KIRREL3: variants seen among roughly 807,000 people sequenced by gnomAD.
KIRREL3 encodes kirre like nephrin family adhesion molecule 3, also known as kin of IRRE-like protein 3.
A neutral mutation model predicts 89.7 loss-of-function variants in KIRREL3; 36 were observed. That is an observed-to-expected ratio of 0.40 (90% CI 0.31 to 0.53). The LOEUF (loss-of-function observed/expected upper bound fraction) is 0.53. KIRREL3 is among the 20% of genes least tolerant of loss of function. KIRREL3 has a pLI of 0.49. For synonymous variants in KIRREL3, 445 were observed against 441.4 expected, an observed-to-expected ratio of 1.01 and a Z score of -0.10; for missense variants, 864 against 1,056.6, an observed-to-expected ratio of 0.82 and a Z score of 2.53.
At chr11:126,793,302 T>C (rs1950704321) in intron 1 of KIRREL3, among the ~76,000 whole-genome samples, 1 of 152,002 alleles carries the variant, frequency 6.6e-6, no homozygotes, top group African/African-American at 2.4e-5. Flanking sequence ...TTATTTTAGT[T>C]TTGCTAATGC....
In KIRREL3 at chr11:126,740,010, A is replaced by T. The variant is rs1489699464; in HGVS notation, c.56-177098T>A. On this transcript the variant is annotated intron_variant, in intron 1 of 16. Transcript: ENST00000525144. The surrounding 1 kb of genome is among the most constrained non-coding windows in gnomAD (Gnocchi z 6.0). ...AATTTGTCATGACTCACTGGAGGGT[A>T]GGGTGTATGGAGGGAGGGGGCAGAG... Among the ~76,000 whole-genome samples, 1 of 152,166 alleles carries T rather than the reference A, an allele frequency of 6.6e-6. No homozygotes were observed. Among genetic ancestry groups the T allele is most frequent in the Admixed American group, 6.5e-5 (1 of 15,274 alleles).
chr11:126,726,699 G>A (rs1020534585), intron 1 of KIRREL3, among the ~76,000 whole-genome samples: 1 of 152,148 alleles, frequency 6.6e-6, no homozygotes, highest in African/African-American at 2.4e-5. Flanking sequence ...TTTATGAGAG[G>A]ATCCAGTCTA....
At chr11:126,921,963 A>ATC (rs758331394) in intron 1 of KIRREL3, among the ~76,000 whole-genome samples, 2 of 139,896 alleles carry the variant, frequency 1.4e-5, no homozygotes, top group African/African-American at 5.5e-5. Context: ...CTGTATATCT[A>ATC]TATCTATCTA....
In KIRREL3 at chr11:126,614,588, G is replaced by A. The variant is rs1311238147; in HGVS notation, c.56-51676C>T. 6.6e-6 allele frequency among the ~76,000 whole-genome samples: 1 copy of A among 152,196 alleles called. No individual in the cohort carries two copies. Among genetic ancestry groups the A allele is most frequent in the African/African-American group, 2.4e-5 (1 of 41,438 alleles). ...ACTGCCCAGGTGGTTCTATCATCAA[G>A]CCAGAGATGAGGACCCCTGGTGCAG... On this transcript the variant is annotated intron_variant, in intron 1 of 16. Transcript: ENST00000525144. The surrounding 1 kb of genome is among the most constrained non-coding windows in gnomAD (Gnocchi z 4.6).
chr11:126,584,565 A>G (rs1477297425), intron 1 of KIRREL3, among the ~76,000 whole-genome samples: 1 of 152,172 alleles, frequency 6.6e-6, no homozygotes, highest in Non-Finnish European at 1.5e-5. Flanking sequence ...GGCAGAGGGG[A>G]GCAAAGGTGG....
intron 1 of KIRREL3, chr11:126,936,995 G>A (rs940211954): frequency 2.0e-5 from 3 of 152,184 alleles, no homozygotes; most frequent in Admixed American, 6.5e-5. Flanking sequence ...CACACACTAA[G>A]AACACTACCT....
intron 1 of KIRREL3, among the ~76,000 whole-genome samples, chr11:126,746,524 C>T (rs1031757481): frequency 6.6e-5 from 10 of 152,154 alleles, no homozygotes; most frequent in Non-Finnish European, 8.8e-5. Flanking sequence ...GCATATGCTG[C>T]GGATACATCA....
rs1396838083 is a variant in KIRREL3, at chr11:126,485,911, G to A, written c.434-12445C>T. ...AGGCAGGAGACCCCAAGGGAGGGAG[G>A]GCTAGTCCAGTGGGCCAGGGAAAGG... On this transcript the variant is annotated intron_variant, in intron 4 of 16. Transcript: ENST00000525144. The surrounding 1 kb of genome is among the most constrained non-coding windows in gnomAD (Gnocchi z 5.8). Among the ~76,000 whole-genome samples the A allele has an allele frequency of 1.3e-5, 2 of 152,242 alleles. No homozygotes were observed. The highest frequency in any genetic ancestry group is 2.9e-5 in the Non-Finnish European group (2 of 68,048).
rs990784165 is a variant in KIRREL3 at position 126,614,272 on chromosome 11, G to T, written c.56-51360C>A. On this transcript the variant is annotated intron_variant, in intron 1 of 16. Coordinates refer to ENST00000525144, the MANE Select transcript of KIRREL3 (RefSeq NM_032531.4). The surrounding 1 kb of genome is among the most constrained non-coding windows in gnomAD (Gnocchi z 4.6). ...TCCTAAGTCAGAATGTTAATTTCCAGGTAGCCTAGTAAAAGAGATACTAGA... is the reference window on the plus strand; with the variant it reads ...TCCTAAGTCAGAATGTTAATTTCCATGTAGCCTAGTAAAAGAGATACTAGA... Among the ~76,000 whole-genome samples, 1 of 152,044 alleles carries T rather than the reference G, an allele frequency of 6.6e-6. No homozygotes were observed. The highest frequency in any genetic ancestry group is 1.5e-5 in the Non-Finnish European group (1 of 68,018).
At chr11:126,866,817 G>A (rs1944940891) in intron 1 of KIRREL3, among the ~76,000 whole-genome samples, 2 of 152,144 alleles carry the variant, frequency 1.3e-5, no homozygotes, top group South Asian at 2.1e-4. Flanking sequence ...TGACCACTGC[G>A]TGGCCTGACT....
rs1018805287 is a variant in KIRREL3 at position 126,627,134 on chromosome 11, G to A, written c.56-64222C>T. Among the ~76,000 whole-genome samples, 2 of 152,204 alleles carry A rather than the reference G, an allele frequency of 1.3e-5. No homozygotes were observed. The highest frequency in any genetic ancestry group is 2.9e-5 in the Non-Finnish European group (2 of 68,030). On this transcript the variant is annotated intron_variant, in intron 1 of 16. Transcript: ENST00000525144. The surrounding 1 kb of genome is among the most constrained non-coding windows in gnomAD (Gnocchi z 5.0). ...GCTCTATAAAGGCAGTACTAGAGTG[G>A]AATCTTTCATTTTTAGTTGTATTTC... is the stretch of plus-strand genomic sequence containing the variant.
intron 1 of KIRREL3, among the ~76,000 whole-genome samples, chr11:126,916,528 C>CTTCTTAACA (rs1248751031): frequency 2.0e-5 from 3 of 152,122 alleles, no homozygotes; most frequent in Non-Finnish European, 2.9e-5. Context: ...GAGAAAGACA[C>CTTCTTAACA]TTCTTAACAT....
chr11:126,738,341 G>C (rs1389630167), intron 1 of KIRREL3, among the ~76,000 whole-genome samples: 2 of 152,046 alleles, frequency 1.3e-5, no homozygotes, highest in African/African-American at 2.4e-5. Flanking sequence ...GCGCTCTCTT[G>C]CTTCCTCACT....
At chr11:126,654,618 C>G (rs1011286230) in intron 1 of KIRREL3, among the ~76,000 whole-genome samples, 3 of 152,048 alleles carry the variant, frequency 2.0e-5, no homozygotes, top group African/African-American at 7.3e-5. Context: ...AACCCTAATG[C>G]TATGTCCTGC....
rs1333287031 is a variant in KIRREL3 at position 126,622,318 on chromosome 11, A to C, written c.56-59406T>G. 3.3e-5 allele frequency among the ~76,000 whole-genome samples: 5 copies of C among 152,178 alleles called. No homozygotes were observed. The highest frequency in any genetic ancestry group is 7.3e-5 in the Non-Finnish European group (5 of 68,034). ...AAAAATGGTGACACATTTTATCTCA[A>C]GTTGAACTTTGCATCCCCATTCTCT... On this transcript the variant is annotated intron_variant, in intron 1 of 16. Transcript: ENST00000525144. The surrounding 1 kb of genome is among the most constrained non-coding windows in gnomAD (Gnocchi z 5.2).
intron 1 of KIRREL3, among the ~76,000 whole-genome samples, chr11:126,947,398 C>T (rs1044362895): frequency 1.3e-5 from 2 of 152,152 alleles, no homozygotes; most frequent in African/African-American, 4.8e-5. Flanking sequence ...CTTTTGAAAA[C>T]ATTTGCTGCA....
intron 1 of KIRREL3, among the ~76,000 whole-genome samples, chr11:126,586,987 T>TA (rs1941893253): frequency 6.6e-6 from 1 of 152,084 alleles, no homozygotes; most frequent in African/African-American, 2.4e-5. Flanking sequence ...TTTGAACACT[T>TA]ACTATGGCTA....
chr11:126,776,785 G>T lies in KIRREL3; in HGVS notation c.56-213873C>A, dbSNP rs925212657. ...CTCTCCCTGCTGCTCTTTCCCATGGGAAGGGAGCATTTTCAGAGGAGCCCT... is the reference window on the plus strand; with the variant it reads ...CTCTCCCTGCTGCTCTTTCCCATGGTAAGGGAGCATTTTCAGAGGAGCCCT... On this transcript the variant is annotated intron_variant, in intron 1 of 16. Transcript: ENST00000525144. The surrounding 1 kb of genome is among the most constrained non-coding windows in gnomAD (Gnocchi z 4.7). Among the ~76,000 whole-genome samples the T allele has an allele frequency of 6.6e-6, 1 of 152,176 alleles. No homozygotes were observed. Among genetic ancestry groups the T allele is most frequent in the Non-Finnish European group, 1.5e-5 (1 of 68,036 alleles).
Position 126,429,630 on chromosome 11 carries a change from C to T in KIRREL3, c.1697-342G>A, listed in dbSNP as rs1395154065. On this transcript the variant is annotated intron_variant, in intron 14 of 16. Transcript: ENST00000525144. This position sits in a 1 kb window ranked among gnomAD's most constrained non-coding sequence, Gnocchi z 5.2. ...ATTCTCACTTCCTTCTAGAAGTCTT[C>T]TCTGACCTGCTCTACCAGGCGGGCT... 6.6e-6 allele frequency among the ~76,000 whole-genome samples: 1 copy of T among 152,244 alleles called. No homozygotes were observed.
Sources: gnomAD v4.1 joint callset for allele counts (sites outside exome capture counted in the v4.1 genomes callset) on GRCh38, gnomAD v4.1.1 for gene constraint, Gnocchi (gnomAD v3.1) non-coding constraint, MANE v1.5 for transcripts, NCBI Gene and HGNC (gene_info 2026-07-23, HGNC 2026-07-21) for gene names.